PHEX: variants seen among roughly 807,000 people sequenced by gnomAD.
The protein encoded by PHEX is phosphate-regulating neutral endopeptidase PHEX.
PHEX carries 16 observed loss-of-function variants against 68.0 expected under a neutral mutation model. That is an observed-to-expected ratio of 0.24 (90% CI 0.16 to 0.36). The LOEUF is 0.36. PHEX is among the 10% of genes least tolerant of loss of function. The probability of loss-of-function intolerance (pLI) is 1.00; values close to 1 mark genes in which losing one functional copy is unlikely to be tolerated. For missense variants in PHEX, 480 were observed against 575.5 expected (o/e 0.83, Z 1.70); for synonymous variants, 208 against 205.1 (o/e 1.01, Z -0.12).
At chrX:22,237,371 GCAA>G (rs368429575) in intron 20 of PHEX, among the ~76,000 whole-genome samples, 76 of 111,720 alleles carry the variant, frequency 6.8e-4, no homozygotes, top group African/African-American at 2.3e-3. Flanking sequence ...TTCATCAAAA[GCAA>G]CAACATCATA....
At chrX:22,040,962 C>T (rs1479931882) in intron 2 of PHEX, among the ~76,000 whole-genome samples, 1 of 108,274 alleles carries the variant, frequency 9.2e-6, no homozygotes, top group East Asian at 2.9e-4. Context: ...TTTCTGTACG[C>T]CAGGTGACAG....
intron 14 of PHEX, 145 bp downstream of exon 14, chrX:22,178,521 C>T (rs1019199362): frequency 1.4e-4 from 53 of 366,615 alleles, no homozygotes; most frequent in Non-Finnish European, 2.2e-4. Context: ...TCATGTTTTG[C>T]CAACTCTTAT....
chrX:22,159,604 A>G (rs1933052209), intron 12 of PHEX, among the ~76,000 whole-genome samples: 1 of 112,738 alleles, frequency 8.9e-6, no homozygotes, highest in Admixed American at 9.4e-5. Context: ...TTCAAATTTC[A>G]GTGTCTATAA....
Position 22,094,038 on chromosome X carries a change from A to G in PHEX, c.788A>G (p.Asn263Ser), listed in dbSNP as rs1930022450. ...GATACTGCCGTGCTTTTAGGAGCTAACAGTTCCAGAGCAGAGCATGACATG... is the reference window on the plus strand; with the variant it reads ...GATACTGCCGTGCTTTTAGGAGCTAGCAGTTCCAGAGCAGAGCATGACATG... The part of the protein sequence containing the change: ...MVDTAVLLGA[N>S]SSRAEHDMKS... The change falls in exon 7 of 22, where the codon AAC becomes AGC. Residue 263 changes from asparagine (N) to serine (S), a missense_variant. Asn to Ser is a conservative substitution (Grantham distance 46, BLOSUM62 1). Transcript: ENST00000379374. The G allele has an allele frequency of 1.7e-6, 2 of 1,203,072 alleles. No individual in the cohort carries two copies. The highest frequency in any genetic ancestry group is 2.2e-5 in the Admixed American group (1 of 45,698).
At chrX:22,109,726 AG>A (rs765575380) in intron 9 of PHEX, among the ~76,000 whole-genome samples, 186 of 112,010 alleles carry the variant, frequency 1.7e-3, no homozygotes, top group African/African-American at 5.8e-3. Context: ...ATCACTATTG[AG>A]TTAGAAATTA....
intron 1 of PHEX, among the ~76,000 whole-genome samples, chrX:22,037,405 C>G (rs1927079657): frequency 9.0e-6 from 1 of 111,519 alleles, no homozygotes; most frequent in Non-Finnish European, 1.9e-5. Flanking sequence ...CCAAATGATT[C>G]ATTGTTTCTG....
rs772716617 is a variant in PHEX at position 22,179,040 on chromosome X, T to C, written c.1586+664T>C. Reference sequence around the variant, plus strand: ...CCAGAAAGTGCTTTACAATTTTTAATTCATTTTATCCTCATACGAATTCTG... The same window carrying C: ...CCAGAAAGTGCTTTACAATTTTTAACTCATTTTATCCTCATACGAATTCTG... On this transcript the variant is annotated intron_variant, in intron 14 of 21. Transcript: ENST00000379374. Among the ~76,000 whole-genome samples the C allele has an allele frequency of 4.5e-5, 5 of 112,249 alleles. No homozygotes were observed. The East Asian group carries it at 1.1e-3, about 25-fold the overall frequency.
At chrX:22,112,633 G>T (rs1423978946) in intron 10 of PHEX, among the ~76,000 whole-genome samples, 4 of 111,444 alleles carry the variant, frequency 3.6e-5, no homozygotes, top group Non-Finnish European at 7.5e-5. Flanking sequence ...AGGGCTGGGT[G>T]CAGTGGCTCA....
At chrX:22,190,619 G>T in intron 15 of PHEX, 117 bp downstream of exon 15, 1 of 568,538 alleles carries the variant, frequency 1.8e-6, no homozygotes. Context: ...AGGGTATGCT[G>T]GTGAAGGAAG....
chrX:22,101,826 C>T (rs984686243), intron 9 of PHEX, among the ~76,000 whole-genome samples: 16 of 111,419 alleles, frequency 1.4e-4, no homozygotes, highest in Admixed American at 4.8e-4. Context: ...TTGGAGTTTC[C>T]CTAGACATGC....
At chrX:22,237,732 C>G (rs964324606) in intron 20 of PHEX, among the ~76,000 whole-genome samples, 1 of 112,218 alleles carries the variant, frequency 8.9e-6, no homozygotes. Flanking sequence ...ATACTCCAGC[C>G]TAGCTGAATG....
intron 3 of PHEX, among the ~76,000 whole-genome samples, chrX:22,069,913 T>A (rs1160254342): frequency 1.8e-5 from 2 of 111,891 alleles, no homozygotes; most frequent in Admixed American, 9.5e-5. Context: ...AACAATAAGC[T>A]TTGCAAGCTT....
chrX:22,119,767 A>AT (rs972744644), intron 11 of PHEX, among the ~76,000 whole-genome samples: 11 of 107,918 alleles, frequency 1.0e-4, no homozygotes, highest in Non-Finnish European at 2.1e-4. Flanking sequence ...TAATTTTTGT[A>AT]TTTTTTTTGG....
At chrX:22,157,171 C>T (rs1243791666) in intron 12 of PHEX, among the ~76,000 whole-genome samples, 1 of 112,062 alleles carries the variant, frequency 8.9e-6, no homozygotes, top group African/African-American at 3.2e-5. Context: ...GTGTGAGCCA[C>T]GGTGCCCAGC....
intron 21 of PHEX, among the ~76,000 whole-genome samples, chrX:22,246,130 G>T (rs996053780): frequency 1.3e-4 from 14 of 111,705 alleles, no homozygotes; most frequent in South Asian, 1.1e-3. Context: ...ATTATGAATT[G>T]CAGTCTTATT....
intron 11 of PHEX, among the ~76,000 whole-genome samples, chrX:22,117,842 C>T (rs1159398348): frequency 9.0e-6 from 1 of 110,835 alleles, no homozygotes; most frequent in Non-Finnish European, 1.9e-5. Context: ...AGCTGTTTGC[C>T]TCAGGGAATA....
chrX:22,193,102 A>C (rs1463288580), intron 15 of PHEX, among the ~76,000 whole-genome samples: 2 of 111,513 alleles, frequency 1.8e-5, no homozygotes, highest in Admixed American at 9.6e-5. Flanking sequence ...CTAAATGCCA[A>C]CTTGAGAACT....
At chrX:22,241,193 A>C (rs1302940194) in intron 20 of PHEX, among the ~76,000 whole-genome samples, 2 of 112,284 alleles carry the variant, frequency 1.8e-5, no homozygotes, top group Non-Finnish European at 3.8e-5. Flanking sequence ...AAATAACAAA[A>C]TGAAGGCAGA....
At chrX:22,075,582 C>T (rs752008406) in intron 3 of PHEX, among the ~76,000 whole-genome samples, 19 of 111,261 alleles carry the variant, frequency 1.7e-4, no homozygotes, top group Non-Finnish European at 2.6e-4. Context: ...CTCTCAAGTA[C>T]GTTCAAGGTT....
Sources: gnomAD v4.1 joint callset for allele counts (sites outside exome capture counted in the v4.1 genomes callset) on GRCh38, gnomAD v4.1.1 for gene constraint, MANE v1.5 for transcripts, NCBI Gene and HGNC (gene_info 2026-07-23, HGNC 2026-07-21) for gene names.